TULP4: variants seen among roughly 807,000 people sequenced by gnomAD.
TULP4 encodes TUB like protein 4.
A neutral mutation model predicts 129.0 loss-of-function variants in TULP4; 16 were observed. The ratio of observed to expected loss-of-function variants is 0.12; its 90% confidence interval spans 0.08 to 0.19. TULP4 has a LOEUF of 0.19. TULP4 is among the 10% of genes least tolerant of loss of function. The pLI is 1.00. For synonymous variants in TULP4, 998 were observed against 854.0 expected (o/e 1.17, Z -2.94); for missense variants, 1,842 against 2,059.1 (o/e 0.89, Z 2.04).
chr6:158,409,130 C>T (rs1778029928), intron 1 of TULP4, among the ~76,000 whole-genome samples: 1 of 152,138 alleles, frequency 6.6e-6, no homozygotes, highest in South Asian at 2.1e-4. Flanking sequence ...GTTTTGCCTT[C>T]CCTAAAAGTA....
At chr6:158,491,535 C>A (rs1314454887) in intron 9 of TULP4, among the ~76,000 whole-genome samples, 1 of 151,238 alleles carries the variant, frequency 6.6e-6, no homozygotes, top group African/African-American at 2.4e-5. Context: ...CTCTGTTGCC[C>A]AGGCTGGCGT....
upstream of TULP4, among the ~76,000 whole-genome samples, chr6:158,309,736 C>A (rs541398873): frequency 1.6e-4 from 25 of 152,162 alleles, no homozygotes; most frequent in Middle Eastern, 6.8e-3. Flanking sequence ...CAAAAAAATA[C>A]GAAAACCAGT....
chr6:158,270,629 T>G (rs1288125335), intron 1 of TULP4, among the ~76,000 whole-genome samples: 1 of 152,230 alleles, frequency 6.6e-6, no homozygotes, highest in East Asian at 1.9e-4. Flanking sequence ...CACTGCACTT[T>G]AGACTATTGC....
At chr6:158,386,337 A>G (rs995507790) in intron 1 of TULP4, among the ~76,000 whole-genome samples, 1 of 152,180 alleles carries the variant, frequency 6.6e-6, no homozygotes, top group Non-Finnish European at 1.5e-5. Flanking sequence ...TGAAACCTTA[A>G]TAAAGGGGTC....
chr6:158,426,061 CT>C (rs1457252443), intron 2 of TULP4, among the ~76,000 whole-genome samples: 1 of 152,124 alleles, frequency 6.6e-6, no homozygotes, highest in Non-Finnish European at 1.5e-5. Context: ...TTTTTGTCCA[CT>C]TTTTAATGGG....
chr6:158,378,485 T>TTG (rs1554285635), intron 1 of TULP4, among the ~76,000 whole-genome samples: 151 of 51,328 alleles, frequency 2.9e-3, no homozygotes, highest in African/African-American at 5.0e-3. Context: ...TTTTTTTTTT[T>TTG]GGTGGGGGTG....
intron 1 of TULP4, among the ~76,000 whole-genome samples, chr6:158,376,329 G>T (rs1174090016): frequency 1.3e-5 from 2 of 152,178 alleles, no homozygotes; most frequent in Non-Finnish European, 2.9e-5. Context: ...CATGTGGAAG[G>T]CTCTTCGTCC....
intron 2 of TULP4, among the ~76,000 whole-genome samples, chr6:158,422,703 T>C (rs910978410): frequency 2.0e-5 from 3 of 152,214 alleles, no homozygotes; most frequent in African/African-American, 7.2e-5. Context: ...GCCAGGTCTA[T>C]ATGCAGAGGC....
chr6:158,278,717 A>G (rs1778688449), upstream of TULP4, among the ~76,000 whole-genome samples: 2 of 152,232 alleles, frequency 1.3e-5, no homozygotes, highest in South Asian at 4.2e-4. Flanking sequence ...GCCAGCAAGT[A>G]TTCTTTATTT....
intron 1 of TULP4, among the ~76,000 whole-genome samples, chr6:158,386,947 T>C (rs541213812): frequency 6.6e-6 from 1 of 152,340 alleles, no homozygotes; most frequent in South Asian, 2.1e-4. Flanking sequence ...TTTCTGTTTA[T>C]TTCTGTCAAA....
intron 1 of TULP4, among the ~76,000 whole-genome samples, chr6:158,263,330 C>T (rs1243710295): frequency 6.6e-6 from 1 of 152,212 alleles, no homozygotes; most frequent in African/African-American, 2.4e-5. Flanking sequence ...GAGTGAATGG[C>T]TAAGTGAGCC....
At chr6:158,281,021 T>G (rs549575378), upstream of TULP4, among the ~76,000 whole-genome samples, 1 of 152,274 alleles carries the variant, frequency 6.6e-6, no homozygotes, top group African/African-American at 2.4e-5. Flanking sequence ...GCACTCTCAT[T>G]TCTTTGGGCA....
chr6:158,445,156 C>T (rs1329838599), intron 3 of TULP4, among the ~76,000 whole-genome samples: 1 of 152,092 alleles, frequency 6.6e-6, no homozygotes, highest in East Asian at 1.9e-4. Context: ...ATATACAAGG[C>T]TGCAAAGTAA....
chr6:158,447,242 G>A (rs1278326142), intron 3 of TULP4, among the ~76,000 whole-genome samples: 5 of 152,110 alleles, frequency 3.3e-5, no homozygotes, highest in Non-Finnish European at 5.9e-5. Context: ...TTGACCCTAC[G>A]CCTGTGTCAC....
intron 1 of TULP4, among the ~76,000 whole-genome samples, chr6:158,273,358 G>T (rs1778582948): frequency 6.8e-6 from 1 of 146,082 alleles, no homozygotes; most frequent in Non-Finnish European, 1.5e-5. Flanking sequence ...CCTGACGTGG[G>T]GTTCCACAGG....
chr6:158,466,097 GT>G (rs984648584), intron 6 of TULP4, among the ~76,000 whole-genome samples: 1 of 152,166 alleles, frequency 6.6e-6, no homozygotes, highest in Non-Finnish European at 1.5e-5. Flanking sequence ...CCTTTTGTCA[GT>G]CTTATGATCT....
chr6:158,318,892 G>C (rs999509540), intron 1 of TULP4, among the ~76,000 whole-genome samples: 14 of 109,660 alleles, frequency 1.3e-4, no homozygotes, highest in Non-Finnish European at 3.6e-5. Context: ...TGTTCAGCTA[G>C]TTACAAATTT....
chr6:158,414,069 A>C (rs1174966307), intron 2 of TULP4, among the ~76,000 whole-genome samples: 1 of 152,250 alleles, frequency 6.6e-6, no homozygotes, highest in African/African-American at 2.4e-5. Context: ...CAGTCAAGTG[A>C]CATAAAATTA....
At position 158,413,287 on chromosome 6, in the gene TULP4, G is replaced by T; in HGVS notation, c.381+94G>T. The T allele has an allele frequency of 7.2e-7, 1 of 1,388,234 alleles. No homozygotes were observed. Among genetic ancestry groups the T allele is most frequent in the Non-Finnish European group, 9.6e-7 (1 of 1,041,646 alleles). The allele number at this position is 1,388,234 out of a possible 1,614,324, so 86.0% of individuals were successfully genotyped here. A position where few individuals can be genotyped will look rare whatever the true frequency, so the allele number is the denominator to read the frequency against. On this transcript the variant is annotated intron_variant, in intron 2 of 13. Transcript: ENST00000367097. The surrounding 1 kb of genome is among the most constrained non-coding windows in gnomAD (Gnocchi z 4.9). ...AGCCAGTGCGTTAGCACCACACAGC[G>T]CCACGTGCTCCAGAGCTGGGGGAAG...
Sources: allele counts gnomAD v4.1 joint callset (sites outside exome capture counted in the v4.1 genomes callset), GRCh38; gene constraint gnomAD v4.1.1; non-coding constraint Gnocchi (gnomAD v3.1); transcripts MANE v1.5; gene names NCBI Gene and HGNC (gene_info 2026-07-23, HGNC 2026-07-21).